The following ENPP6 variants were observed in gnomAD, a reference collection of about 807,000 sequenced individuals.
The protein encoded by ENPP6 is ectonucleotide pyrophosphatase/phosphodiesterase 6.
ENPP6 carries 32 observed loss-of-function variants against 42.0 expected under a neutral mutation model. The observed-to-expected ratio is 0.76, with a 90% confidence interval of 0.58 to 1.02. The LOEUF (loss-of-function observed/expected upper bound fraction) is 1.02. Among genes scored for constraint, ENPP6 ranks in the 50% least tolerant of loss-of-function variants. The pLI is 0.00. For synonymous variants in ENPP6, 213 were observed against 216.0 expected (o/e 0.99, Z 0.12); for missense variants, 552 against 566.8 (o/e 0.97, Z 0.27).
At chr4:184,188,744 C>T (rs559916188) in intron 1 of ENPP6, among the ~76,000 whole-genome samples, 3 of 152,102 alleles carry the variant, frequency 2.0e-5, no homozygotes, top group Non-Finnish European at 4.4e-5. Context: ...ATGTGGGAGG[C>T]TTCATTCAAG....
chr4:184,198,418 G>A lies in ENPP6; in HGVS notation c.241+19161C>T, dbSNP rs140227472. 3.0e-3 allele frequency among the ~76,000 whole-genome samples: 458 copies of A among 152,358 alleles called. 2 individuals are homozygous for A. Among genetic ancestry groups the A allele is most frequent in the African/African-American group, 0.01 (431 of 41,584 alleles). On this transcript the variant is annotated intron_variant, in intron 1 of 7. Transcript: ENST00000296741. ...CCACCTGCGAAATGGGAGCCCTTCC[G>A]AGGCTGTACACTAGGGGAGGTCTCA...
At chr4:184,137,589 T>A (rs913877889) in intron 2 of ENPP6, among the ~76,000 whole-genome samples, 1 of 152,256 alleles carries the variant, frequency 6.6e-6, no homozygotes, top group Non-Finnish European at 1.5e-5. Context: ...ATTTAGGCTA[T>A]GAGCAGACTA....
chr4:184,134,608 G>A (rs367930324), intron 2 of ENPP6, among the ~76,000 whole-genome samples: 1 of 151,418 alleles, frequency 6.6e-6, no homozygotes, highest in East Asian at 1.9e-4. Flanking sequence ...GGCTATTTGT[G>A]TCTTCTCTCT....
At chr4:184,106,170 G>A (rs1017677721) in intron 6 of ENPP6, among the ~76,000 whole-genome samples, 1 of 151,838 alleles carries the variant, frequency 6.6e-6, no homozygotes, top group African/African-American at 2.4e-5. Flanking sequence ...AAGTAGCTGG[G>A]ATTACAGGCA....
At chr4:184,113,137 G>A (rs1467348269) in intron 5 of ENPP6, among the ~76,000 whole-genome samples, 1 of 152,112 alleles carries the variant, frequency 6.6e-6, no homozygotes, top group Non-Finnish European at 1.5e-5. Flanking sequence ...CAGCAATAGT[G>A]GGGGAGAGAA....
intron 1 of ENPP6, among the ~76,000 whole-genome samples, chr4:184,192,479 G>A (rs1204220561): frequency 2.6e-5 from 4 of 152,172 alleles, no homozygotes; most frequent in Non-Finnish European, 5.9e-5. Context: ...GTAAGAGCTA[G>A]AAATTTTCTT....
At chr4:184,177,524 T>C (rs1737583341) in intron 1 of ENPP6, among the ~76,000 whole-genome samples, 1 of 152,130 alleles carries the variant, frequency 6.6e-6, no homozygotes, top group Admixed American at 6.5e-5. Flanking sequence ...CCAGAGTGCT[T>C]TGTTAAGCGG....
chr4:184,144,593 G>A (rs991831516), intron 2 of ENPP6, among the ~76,000 whole-genome samples: 1 of 152,206 alleles, frequency 6.6e-6, no homozygotes, highest in Non-Finnish European at 1.5e-5. Flanking sequence ...GGAGCCTGAC[G>A]TCAAGTCCAA....
At chr4:184,210,063 TC>T (rs1214532842) in intron 1 of ENPP6, among the ~76,000 whole-genome samples, 4 of 150,886 alleles carry the variant, frequency 2.7e-5, no homozygotes, top group Non-Finnish European at 5.9e-5. Flanking sequence ...ACCAGGCCTG[TC>T]CTAAAAGAGC....
At chr4:184,104,545 G>C (rs1398376324) in intron 6 of ENPP6, among the ~76,000 whole-genome samples, 1 of 152,208 alleles carries the variant, frequency 6.6e-6, no homozygotes, top group Non-Finnish European at 1.5e-5. Context: ...GCTGGGGAGA[G>C]CTGTGTCCTG....
chr4:184,147,611 C>T (rs967863056), intron 2 of ENPP6, among the ~76,000 whole-genome samples: 3 of 152,026 alleles, frequency 2.0e-5, no homozygotes, highest in African/African-American at 7.2e-5. Context: ...AAACCCCCGC[C>T]ACCCCCGACC....
chr4:184,215,087 T>A (rs1340808038), intron 1 of ENPP6, among the ~76,000 whole-genome samples: 1 of 152,158 alleles, frequency 6.6e-6, no homozygotes, highest in Non-Finnish European at 1.5e-5. Flanking sequence ...GCCCCGGCAG[T>A]TCATCTCATT....
intron 6 of ENPP6, 160 bp downstream of exon 6, chr4:184,112,512 C>T (rs1044167225): frequency 3.4e-5 from 32 of 929,438 alleles, no homozygotes; most frequent in African/African-American, 5.1e-5. Flanking sequence ...CAAAGTTACC[C>T]GATCAAGACT....
chr4:184,096,824 C>G (rs952812185), intron 7 of ENPP6, among the ~76,000 whole-genome samples: 3 of 151,908 alleles, frequency 2.0e-5, no homozygotes, highest in Non-Finnish European at 2.9e-5. Context: ...GGTGGGTGCT[C>G]GAGACGGGAA....
At chr4:184,091,439 C>T in intron 7 of ENPP6, 57 bp from the exon 8 acceptor site, 3 of 1,484,490 alleles carry the variant, frequency 2.0e-6, no homozygotes, top group Non-Finnish European at 2.7e-6. Flanking sequence ...CAGAGGTGGG[C>T]TGAACGCAAT....
At chr4:184,203,627 C>T (rs1561010753) in intron 1 of ENPP6, among the ~76,000 whole-genome samples, 1 of 152,124 alleles carries the variant, frequency 6.6e-6, no homozygotes, top group South Asian at 2.1e-4. Flanking sequence ...CAAGGAATAC[C>T]GAGGATTGCT....
intron 1 of ENPP6, among the ~76,000 whole-genome samples, chr4:184,163,082 G>A (rs1054068935): frequency 6.6e-6 from 1 of 152,210 alleles, no homozygotes; most frequent in East Asian, 1.9e-4. Context: ...AGGCTCTCCA[G>A]TGCAAGGGCC....
chr4:184,136,549 A>G (rs530253476), intron 2 of ENPP6, among the ~76,000 whole-genome samples: 5 of 152,236 alleles, frequency 3.3e-5, no homozygotes, highest in Non-Finnish European at 7.4e-5. Context: ...TGCTATCTCT[A>G]TATTTTCTAT....
At chr4:184,175,549 A>G (rs533020454) in intron 1 of ENPP6, among the ~76,000 whole-genome samples, 2 of 152,268 alleles carry the variant, frequency 1.3e-5, no homozygotes, top group Non-Finnish European at 2.9e-5. Flanking sequence ...GGGGCATTTT[A>G]TCACCTTTGG....
Sources: gnomAD v4.1 joint callset for allele counts (sites outside exome capture counted in the v4.1 genomes callset) on GRCh38, gnomAD v4.1.1 for gene constraint, MANE v1.5 for transcripts, NCBI Gene and HGNC (gene_info 2026-07-23, HGNC 2026-07-21) for gene names.